DACH1: variants seen among roughly 807,000 people sequenced by gnomAD.
The protein encoded by DACH1 is dachshund family transcription factor 1.
DACH1 carries 12 observed loss-of-function variants against 54.2 expected under a neutral mutation model. That is an observed-to-expected ratio of 0.22 (90% CI 0.14 to 0.36). DACH1 has a LOEUF of 0.36. DACH1 is among the 10% of genes least tolerant of loss of function. The pLI, the probability that DACH1 is intolerant of heterozygous loss-of-function variation, is 1.00. For synonymous variants in DACH1, 386 were observed against 366.2 expected, an observed-to-expected ratio of 1.05 and a Z score of -0.62; for missense variants, 805 against 929.8, an observed-to-expected ratio of 0.87 and a Z score of 1.75.
intron 10 of DACH1, among the ~76,000 whole-genome samples, chr13:71,441,856 CA>C (rs1199601778): frequency 1.3e-5 from 2 of 151,976 alleles, no homozygotes; most frequent in African/African-American, 4.8e-5. Context: ...ATATTCCTCT[CA>C]TTTTTTTCTA....
intron 10 of DACH1, among the ~76,000 whole-genome samples, chr13:71,468,247 A>G (rs1484272447): frequency 6.6e-6 from 1 of 152,216 alleles, no homozygotes; most frequent in Admixed American, 6.5e-5. Flanking sequence ...ATATTGTAAT[A>G]ATAAAATTTA....
At chr13:71,565,351 CA>C (rs1291585566) in intron 4 of DACH1, among the ~76,000 whole-genome samples, 11 of 152,096 alleles carry the variant, frequency 7.2e-5, no homozygotes, top group African/African-American at 2.7e-4. Flanking sequence ...TACTATGTAC[CA>C]GGCAGGATCT....
At chr13:71,773,873 G>A (rs545356433) in intron 1 of DACH1, among the ~76,000 whole-genome samples, 1 of 151,238 alleles carries the variant, frequency 6.6e-6, no homozygotes, top group South Asian at 2.1e-4. Flanking sequence ...AAAGGTTGTT[G>A]TTTTGCATTT....
chr13:71,495,208 G>A (rs976915750), intron 6 of DACH1, among the ~76,000 whole-genome samples: 1 of 152,014 alleles, frequency 6.6e-6, no homozygotes, highest in Non-Finnish European at 1.5e-5. Flanking sequence ...GAAGTATACA[G>A]TATTATTAAA....
At chr13:71,862,198 A>G (rs1414516266) in intron 1 of DACH1, among the ~76,000 whole-genome samples, 1 of 152,042 alleles carries the variant, frequency 6.6e-6, no homozygotes, top group African/African-American at 2.4e-5. Flanking sequence ...TCTTCTTACA[A>G]CAATGAAAGA....
At chr13:71,680,097 A>G (rs543072942) in intron 2 of DACH1, among the ~76,000 whole-genome samples, 16 of 152,198 alleles carry the variant, frequency 1.1e-4, no homozygotes, top group African/African-American at 1.2e-4. Flanking sequence ...CGTACTACCT[A>G]TTTGATTTTT....
chr13:71,669,738 A>G (rs1245494329), intron 2 of DACH1, among the ~76,000 whole-genome samples: 1 of 152,172 alleles, frequency 6.6e-6, no homozygotes, highest in Non-Finnish European at 1.5e-5. Context: ...GTATTTCAGA[A>G]GGCAGCTTGA....
chr13:71,831,046 A>C (rs1317739934), intron 1 of DACH1, among the ~76,000 whole-genome samples: 1 of 151,930 alleles, frequency 6.6e-6, no homozygotes, highest in African/African-American at 2.4e-5. Flanking sequence ...ATGTATATAG[A>C]TCAAATAGTG....
chr13:71,776,305 A>G (rs549539230), intron 1 of DACH1, among the ~76,000 whole-genome samples: 1 of 152,126 alleles, frequency 6.6e-6, no homozygotes, highest in Non-Finnish European at 1.5e-5. Context: ...TGTATTCAAG[A>G]TAAACTTTTG....
At position 71,438,058 on chromosome 13, in the gene DACH1, C is replaced by A. The variant is rs1690466879; in HGVS notation, c.*2597G>T. 6.6e-6 allele frequency: 1 copy of A among 152,308 alleles called. No homozygotes were observed. Among genetic ancestry groups the A allele is most frequent in the South Asian group, 2.1e-4 (1 of 4,822 alleles). The allele number at this position is 152,308 out of a possible 1,614,324, so 9.4% of individuals were successfully genotyped here. A position where few individuals can be genotyped will look rare whatever the true frequency, so the allele number is the denominator to read the frequency against. ...ACGTGGTTCTCACATTGAAACCAGG[C>A]TCAAATAACTAGGCTACCATAGAAA... On this transcript the variant is annotated 3_prime_UTR_variant, in exon 11 of 11. Transcript: ENST00000613252.
At chr13:71,538,042 T>C (rs1391290073) in intron 6 of DACH1, among the ~76,000 whole-genome samples, 1 of 152,054 alleles carries the variant, frequency 6.6e-6, no homozygotes, top group African/African-American at 2.4e-5. Flanking sequence ...CTTTTCTACT[T>C]CTCTAGACCA....
chr13:71,630,435 G>A, intron 3 of DACH1, 121 bp downstream of exon 3: 1 of 1,422,274 alleles, frequency 7.0e-7, no homozygotes, highest in Non-Finnish European at 9.2e-7. Flanking sequence ...AACATACAGT[G>A]TTTTCAAGCT....
chr13:71,596,381 C>A (rs779520522), intron 3 of DACH1, among the ~76,000 whole-genome samples: 8 of 152,002 alleles, frequency 5.3e-5, no homozygotes, highest in Non-Finnish European at 1.0e-4. Context: ...GCGCTAATAG[C>A]CTACTGGAGA....
intron 10 of DACH1, among the ~76,000 whole-genome samples, chr13:71,459,378 G>T (rs1343934682): frequency 6.6e-6 from 1 of 151,902 alleles, no homozygotes; most frequent in Non-Finnish European, 1.5e-5. Context: ...CTGCAGTGAA[G>T]ATTTTATAAC....
At position 71,866,728 on chromosome 13, in the gene DACH1, G is replaced by T. The variant is rs754167852; in HGVS notation, c.42C>A (p.Val14=). The T allele has an allele frequency of 6.9e-6, 10 of 1,442,486 alleles. No homozygotes were observed. The highest frequency in any genetic ancestry group is 2.7e-5 in the East Asian group (1 of 36,890). 89.4% of individuals were successfully genotyped at this position (1,442,486 alleles called of 1,614,324 possible). ...ACGTGGAGATTGGGGGTTGAGGGGG[G>T]ACCAGCTGGGTCGGAGGGATCAAAG... is the stretch of plus-strand genomic sequence containing the variant. ...PAALIPPTQL[V]PPQPPISTSA... is the part of the protein sequence containing the mutation. The change falls in exon 1 of 11, where the codon GTC becomes GTA. Residue 14 remains valine, a synonymous_variant. Coordinates refer to ENST00000613252, the MANE Select transcript of DACH1 (RefSeq NM_080759.6).
chr13:71,476,183 A>C (rs1877504712), intron 8 of DACH1, among the ~76,000 whole-genome samples: 1 of 152,220 alleles, frequency 6.6e-6, no homozygotes, highest in African/African-American at 2.4e-5. Flanking sequence ...TTTGTGGCTT[A>C]GTTCTCTGTC....
chr13:71,857,462 G>T (rs916225216), intron 1 of DACH1, among the ~76,000 whole-genome samples: 1 of 136,816 alleles, frequency 7.3e-6, no homozygotes, highest in Admixed American at 7.5e-5. Flanking sequence ...TTATGTTTGC[G>T]TGTGTGTGTG....
rs116132233 is a variant in DACH1, at chr13:71,556,992, G to C, written c.1570+32C>G. 8.1e-4 allele frequency: 1,253 copies of C among 1,544,652 alleles called. 13 individuals are homozygous for C. In the African/African-American group the frequency reaches 0.016, roughly 20 times the overall value. ...TCTAGTTCTAAAATCTATTGAATCG[G>C]GAAAAACAAGGAATATATAATCATA... On this transcript the variant is annotated intron_variant, in intron 6 of 10. Coordinates refer to ENST00000613252, the MANE Select transcript of DACH1 (RefSeq NM_080759.6).
At chr13:71,756,070 G>T (rs990540195) in intron 1 of DACH1, among the ~76,000 whole-genome samples, 1 of 151,252 alleles carries the variant, frequency 6.6e-6, no homozygotes, top group Non-Finnish European at 1.5e-5. Context: ...TCACTCTGTC[G>T]CCCAGACAGG....
Sources: allele counts gnomAD v4.1 joint callset (sites outside exome capture counted in the v4.1 genomes callset), GRCh38; gene constraint gnomAD v4.1.1; transcripts MANE v1.5; gene names NCBI Gene and HGNC (gene_info 2026-07-23, HGNC 2026-07-21).